ITGAV: variants seen among roughly 807,000 people sequenced by gnomAD.
The protein encoded by ITGAV is integrin subunit alpha V.
Under a neutral mutation model 143.8 loss-of-function variants are expected in ITGAV, and 76 were observed. That is an observed-to-expected ratio of 0.53 (90% CI 0.44 to 0.64). ITGAV has a LOEUF of 0.64. Ranked by LOEUF, ITGAV falls within the 30% of genes least tolerant of loss-of-function variation. The pLI, the probability that ITGAV is intolerant of heterozygous loss-of-function variation, is 0.00. For missense variants in ITGAV, 1,193 were observed against 1,274.7 expected (o/e 0.94, Z 0.98); for synonymous variants, 453 against 446.7 (o/e 1.01, Z -0.18).
At position 186,663,243 on chromosome 2, in the gene ITGAV, A is replaced by G. The variant is rs190674627; in HGVS notation, c.1858-525A>G. 3.0e-3 allele frequency among the ~76,000 whole-genome samples: 459 copies of G among 151,996 alleles called. 6 individuals are homozygous for G. Among genetic ancestry groups the G allele is most frequent in the East Asian group, 2.9e-3 (15 of 5,172 alleles). ...ATGCAATGCTGGACTCATTTTATCCAGTTTCTTTTGCCCCTTGGTCTCTCT... is the reference window on the plus strand; with the variant it reads ...ATGCAATGCTGGACTCATTTTATCCGGTTTCTTTTGCCCCTTGGTCTCTCT... On this transcript the variant is annotated intron_variant, in intron 18 of 29. Transcript: ENST00000261023.
chr2:186,622,696 C>G (rs1018988894), intron 3 of ITGAV, among the ~76,000 whole-genome samples: 2 of 152,124 alleles, frequency 1.3e-5, no homozygotes, highest in African/African-American at 4.8e-5. Context: ...TTATTTCCAC[C>G]TAGCCAAGTA....
At chr2:186,641,046 C>A in intron 11 of ITGAV, 79 bp downstream of exon 11, 2 of 1,136,320 alleles carry the variant, frequency 1.8e-6, no homozygotes, top group East Asian at 2.6e-5. Flanking sequence ...ACATTTTTTT[C>A]TTCTGTTTTT....
chr2:186,600,246 T>G, intron 1 of ITGAV: 1 of 1,229,922 alleles, frequency 8.1e-7, no homozygotes, highest in Non-Finnish European at 1.2e-6. Flanking sequence ...TGCCAGGGTC[T>G]TTCTACCTCT....
At chr2:186,646,590 T>A (rs926085017) in intron 12 of ITGAV, 96 bp from the exon 13 acceptor site, 2 of 796,664 alleles carry the variant, frequency 2.5e-6, no homozygotes, top group African/African-American at 1.7e-5. Context: ...CCTTGCCCTC[T>A]TCCCCCCTTC....
At chr2:186,663,614 C>G (rs1290962235) in intron 18 of ITGAV, among the ~76,000 whole-genome samples, 154 bp from the exon 19 acceptor site, 2 of 152,136 alleles carry the variant, frequency 1.3e-5, no homozygotes, top group Non-Finnish European at 2.9e-5. Context: ...GCCATGGTCT[C>G]TTTTGCATTC....
intron 2 of ITGAV, among the ~76,000 whole-genome samples, chr2:186,618,535 G>A (rs186706273): frequency 8.7e-4 from 132 of 152,326 alleles, no homozygotes; most frequent in African/African-American, 2.4e-3. Flanking sequence ...AACAGAACAT[G>A]GTAGCTTTGC....
At chr2:186,636,004 A>G in intron 6 of ITGAV, 78 bp from the exon 7 acceptor site, 1 of 1,227,194 alleles carries the variant, frequency 8.1e-7, no homozygotes, top group Non-Finnish European at 1.2e-6. Context: ...GTTTTCCTTC[A>G]TGCAGGTACC....
chr2:186,597,323 C>T (rs1344730002), intron 1 of ITGAV, among the ~76,000 whole-genome samples: 1 of 152,146 alleles, frequency 6.6e-6, no homozygotes, highest in Non-Finnish European at 1.5e-5. Context: ...AGAGATGTTA[C>T]ACAAGGAAAT....
intron 18 of ITGAV, among the ~76,000 whole-genome samples, chr2:186,662,291 C>T (rs1368894334): frequency 2.6e-5 from 4 of 152,056 alleles, no homozygotes; most frequent in Non-Finnish European, 5.9e-5. Flanking sequence ...TTCTAATAGT[C>T]CTTTTTTAAA....
intron 6 of ITGAV, among the ~76,000 whole-genome samples, chr2:186,635,576 G>C (rs1687926617): frequency 1.3e-5 from 2 of 152,154 alleles, no homozygotes; most frequent in Non-Finnish European, 2.9e-5. Flanking sequence ...TGGCATGGAG[G>C]GCAGGCTGAT....
chr2:186,642,129 T>G (rs1248508770), intron 12 of ITGAV, among the ~76,000 whole-genome samples: 1 of 152,220 alleles, frequency 6.6e-6, no homozygotes, highest in Non-Finnish European at 1.5e-5. Flanking sequence ...TCGTTTATAA[T>G]AGTACCATTT....
intron 4 of ITGAV, among the ~76,000 whole-genome samples, chr2:186,627,046 G>A (rs931109426): frequency 6.6e-5 from 10 of 152,172 alleles, no homozygotes; most frequent in Non-Finnish European, 1.3e-4. Flanking sequence ...CACACACGCA[G>A]TACACTCTTA....
At position 186,667,169 on chromosome 2, in the gene ITGAV, G is replaced by C; in HGVS notation, c.2266G>C (p.Val756Leu). ...TTTCAGCTCAAATCTATTTGACAAAGTAAGCCCAGTTGTATCTCACAAAGT... is the reference window on the plus strand; with the variant it reads ...TTTCAGCTCAAATCTATTTGACAAACTAAGCCCAGTTGTATCTCACAAAGT... ...QIQSSNLFDK[V>L]SPVVSHKVDL... The change falls in exon 23 of 30, where the codon GTA (valine) becomes CTA (leucine). Residue 756 changes from valine to leucine, a missense_variant. Val to Leu is a conservative substitution (Grantham distance 32, BLOSUM62 1). Transcript: ENST00000261023. The C allele has an allele frequency of 6.2e-7, 1 of 1,608,948 alleles. No homozygotes were observed. Among genetic ancestry groups the C allele is most frequent in the Non-Finnish European group, 8.5e-7 (1 of 1,177,194 alleles).
At chr2:186,621,990 C>T (rs1466113270) in intron 2 of ITGAV, among the ~76,000 whole-genome samples, 1 of 151,684 alleles carries the variant, frequency 6.6e-6, no homozygotes, top group African/African-American at 2.4e-5. Context: ...ATCTTTATGC[C>T]CCACCGAAAG....
At chr2:186,603,812 G>C (rs924454097) in intron 2 of ITGAV, among the ~76,000 whole-genome samples, 1 of 151,836 alleles carries the variant, frequency 6.6e-6, no homozygotes, top group Non-Finnish European at 1.5e-5. Flanking sequence ...GAGTCTCAAA[G>C]GGTGTACAAT....
chr2:186,608,723 A>C (rs1687134597), intron 2 of ITGAV, among the ~76,000 whole-genome samples: 1 of 151,840 alleles, frequency 6.6e-6, no homozygotes, highest in South Asian at 2.1e-4. Context: ...CATTTATTCC[A>C]CTTCCATATG....
At chr2:186,653,262 A>G (rs925223923) in intron 15 of ITGAV, among the ~76,000 whole-genome samples, 1 of 152,130 alleles carries the variant, frequency 6.6e-6, no homozygotes, top group African/African-American at 2.4e-5. Flanking sequence ...CACAGTATTT[A>G]AAAGCAAAAT....
At position 186,663,779 on chromosome 2, in the gene ITGAV, A is replaced by G. The variant is rs202049054; in HGVS notation, c.1869A>G (p.Leu623=). The change falls in exon 19 of 30, where the codon CTA becomes CTG. Residue 623 remains leucine (L), a synonymous_variant. Transcript: ENST00000261023. ...ATGTTTTTTTCTAGGCTCACATTCT[A>G]CTTGACTGTGGTGAAGACAATGTCT... ...PANISRQAHI[L]LDCGEDNVCK... The G allele has an allele frequency of 2.7e-5, 44 of 1,612,178 alleles. No individual in the cohort carries two copies. Among genetic ancestry groups the G allele is most frequent in the Middle Eastern group, 1.7e-4 (1 of 6,058 alleles).
At position 186,659,022 on chromosome 2, in the gene ITGAV, G is replaced by A; in HGVS notation, c.1720-16G>A. On this transcript the variant is annotated splice_polypyrimidine_tract_variant and intron_variant, in intron 17 of 29. Transcript: ENST00000261023. ...AGGTTGACGTTATCATTAATTCAAA[G>A]CGTTTCCATTTCTAGGATGAATCTG... The A allele has an allele frequency of 1.3e-6, 2 of 1,598,030 alleles. No homozygotes were observed. Among genetic ancestry groups the A allele is most frequent in the Non-Finnish European group, 1.7e-6 (2 of 1,169,924 alleles).
Sources: allele counts gnomAD v4.1 joint callset (sites outside exome capture counted in the v4.1 genomes callset), GRCh38; gene constraint gnomAD v4.1.1; transcripts MANE v1.5; gene names NCBI Gene and HGNC (gene_info 2026-07-23, HGNC 2026-07-21).